The following RNF138 variants were observed in gnomAD, a reference collection of about 807,000 sequenced individuals.
RNF138 encodes the protein ring finger protein 138.
RNF138 carries 12 observed loss-of-function variants against 31.0 expected under a neutral mutation model. The observed-to-expected ratio is 0.39, with a 90% CI of 0.25 to 0.63. RNF138 has a LOEUF of 0.63. Among genes scored for constraint, RNF138 ranks in the 20% least tolerant of loss-of-function variants. The pLI, the probability that RNF138 is intolerant of heterozygous loss-of-function variation, is 0.52. For missense variants in RNF138, 192 were observed against 300.1 expected (o/e 0.64, Z 2.66); for synonymous variants, 105 against 99.5 (o/e 1.06, Z -0.33).
intron 2 of RNF138, among the ~76,000 whole-genome samples, chr18:32,100,569 G>A (rs940604948): frequency 7.8e-5 from 11 of 141,262 alleles, no homozygotes; most frequent in Non-Finnish European, 1.7e-4. Flanking sequence ...TCCGTCTCCC[G>A]GGTTTAAGCG....
chr18:32,130,261 G>C lies in RNF138; in HGVS notation c.*1074G>C, dbSNP rs1210595053. The C allele has an allele frequency of 6.6e-6, 1 of 152,200 alleles. No individual in the cohort carries two copies. Among genetic ancestry groups the C allele is most frequent in the African/African-American group, 2.4e-5 (1 of 41,378 alleles). The allele number at this position is 152,200 out of a possible 1,614,324, so 9.4% of individuals were successfully genotyped here. ...TAAAAAGTGATAGTCACAGTGCTAA[G>C]TTATCTAGTTGGCTACTATTACACC... On this transcript the variant is annotated 3_prime_UTR_variant, in exon 8 of 8. Transcript: ENST00000261593.
intron 7 of RNF138, among the ~76,000 whole-genome samples, chr18:32,128,036 C>T (rs1278473276): frequency 2.6e-5 from 4 of 152,122 alleles, no homozygotes; most frequent in East Asian, 3.9e-4. Context: ...GTGAAGATCA[C>T]GCCACTGCAC....
chr18:32,094,494 G>A (rs1048073221), intron 2 of RNF138, among the ~76,000 whole-genome samples: 1 of 152,074 alleles, frequency 6.6e-6, no homozygotes, highest in Non-Finnish European at 1.5e-5. Flanking sequence ...TTAGGGAAAT[G>A]TTTTGAGGGA....
At chr18:32,096,405 T>C (rs2039805969) in intron 2 of RNF138, among the ~76,000 whole-genome samples, 1 of 152,142 alleles carries the variant, frequency 6.6e-6, no homozygotes, top group Non-Finnish European at 1.5e-5. Flanking sequence ...GTGTAAGATT[T>C]GATGACTGGG....
At chr18:32,095,374 G>A (rs774700898) in intron 2 of RNF138, among the ~76,000 whole-genome samples, 10 of 151,984 alleles carry the variant, frequency 6.6e-5, no homozygotes, top group Non-Finnish European at 1.2e-4. Context: ...GCCTCACTAC[G>A]TTGCCCAGTC....
chr18:32,092,390 G>A (rs955287041), intron 1 of RNF138, among the ~76,000 whole-genome samples, 155 bp downstream of exon 1: 11 of 152,084 alleles, frequency 7.2e-5, no homozygotes, highest in Admixed American at 1.3e-4. Flanking sequence ...CGAAGACGGG[G>A]GCTGAGGGCG....
intron 2 of RNF138, among the ~76,000 whole-genome samples, chr18:32,104,013 C>CTTTTTT (rs745696010): frequency 6.9e-5 from 9 of 130,836 alleles, no homozygotes; most frequent in African/African-American, 2.0e-4. Context: ...GGCTAAAAAA[C>CTTTTTT]TTTTTTTTTT....
chr18:32,115,908 T>C (rs1396748197), intron 4 of RNF138, among the ~76,000 whole-genome samples: 1 of 152,194 alleles, frequency 6.6e-6, no homozygotes, highest in Non-Finnish European at 1.5e-5. Context: ...TCCCTCTCTT[T>C]GCCATTCTTG....
intron 4 of RNF138, among the ~76,000 whole-genome samples, chr18:32,121,058 C>T (rs2040295888): frequency 6.6e-6 from 1 of 151,942 alleles, no homozygotes; most frequent in Non-Finnish European, 1.5e-5. Context: ...TCACTTGAAC[C>T]CAGGAGGAGG....
In RNF138 at chr18:32,091,996, C is replaced by G. The variant is rs886107425; in HGVS notation, c.-317C>G. The G allele has an allele frequency of 1.3e-5, 2 of 152,644 alleles. No homozygotes were observed. The highest frequency in any genetic ancestry group is 4.8e-5 in the African/African-American group (2 of 41,488). 9.5% of individuals were successfully genotyped at this position (152,644 alleles called of 1,614,324 possible). ...TGACGGCCGGGTAGGCTGTAGGCAGCGCAATGCCAAGACAGAGCTGCTGGC... is the reference window on the plus strand; with the variant it reads ...TGACGGCCGGGTAGGCTGTAGGCAGGGCAATGCCAAGACAGAGCTGCTGGC... On this transcript the variant is annotated 5_prime_UTR_variant, in exon 1 of 8. Transcript: ENST00000261593.
chr18:32,117,058 C>A (rs1386314175), intron 4 of RNF138, among the ~76,000 whole-genome samples: 1 of 151,810 alleles, frequency 6.6e-6, no homozygotes, highest in East Asian at 1.9e-4. Context: ...CCCACCACCA[C>A]GCCCAACTAA....
intron 2 of RNF138, among the ~76,000 whole-genome samples, chr18:32,099,439 G>A (rs1226745746): frequency 1.3e-5 from 2 of 152,148 alleles, no homozygotes; most frequent in African/African-American, 2.4e-5. Context: ...ATCTCGCTCT[G>A]TTGCCCAGAC....
At chr18:32,099,843 A>G (rs914295587) in intron 2 of RNF138, among the ~76,000 whole-genome samples, 3 of 152,250 alleles carry the variant, frequency 2.0e-5, no homozygotes, top group Non-Finnish European at 4.4e-5. Flanking sequence ...ACTTAAGCCT[A>G]CTAATATATC....
Position 32,131,504 on chromosome 18 carries a change from A to G in RNF138, c.*2317A>G, listed in dbSNP as rs1296001637. 6.6e-6 allele frequency: 1 copy of G among 152,222 alleles called. No homozygotes were observed. Among genetic ancestry groups the G allele is most frequent in the Non-Finnish European group, 1.5e-5 (1 of 68,024 alleles). The allele number at this position is 152,222 out of a possible 1,614,324, so 9.4% of individuals were successfully genotyped here. ...AACAAATTACAGTTTTATTGTTAAA[A>G]CAGAGTCTTATTTGAGATGTATTGC... On this transcript the variant is annotated 3_prime_UTR_variant, in exon 8 of 8. Coordinates refer to ENST00000261593, the MANE Select transcript of RNF138 (RefSeq NM_016271.5).
Position 32,092,863 on chromosome 18 carries a change from G to A in RNF138, c.87G>A (p.Val29=), listed in dbSNP as rs974311846. 1 of 1,585,900 alleles carries A rather than the reference G, an allele frequency of 6.3e-7. No homozygotes were observed. Among genetic ancestry groups the A allele is most frequent in the Non-Finnish European group, 8.6e-7 (1 of 1,169,264 alleles). Residue 29 remains valine (V), a synonymous_variant, in exon 2 of 8, where the codon GTG becomes GTA. Coordinates refer to ENST00000261593, the MANE Select transcript of RNF138 (RefSeq NM_016271.5). ...GTCAGGAGGTGCTCAAAACGCCCGT[G>A]CGGACCACGGCCTGTCAGCACGTGT... ...PVCQEVLKTP[V]RTTACQHVFC...
chr18:32,118,754 G>C (rs566979327), intron 4 of RNF138, among the ~76,000 whole-genome samples: 1 of 151,892 alleles, frequency 6.6e-6, no homozygotes, highest in South Asian at 2.1e-4. Flanking sequence ...CCTTGAACCC[G>C]GGAGGCCAAG....
rs1026455513 is a variant in RNF138 at position 32,115,350 on chromosome 18, A to G, written c.392+1490A>G. Among the ~76,000 whole-genome samples, 6 of 152,160 alleles carry G rather than the reference A, an allele frequency of 3.9e-5. No individual in the cohort carries two copies. In the East Asian group the frequency reaches 9.6e-4, roughly 24 times the overall value. Reference sequence around the variant, plus strand: ...TGTCACTTCCCTAGCTCAGGCCCTCATCATCTCTCACTCGAACTATGATAA... The same window carrying G: ...TGTCACTTCCCTAGCTCAGGCCCTCGTCATCTCTCACTCGAACTATGATAA... On this transcript the variant is annotated intron_variant, in intron 4 of 7. Coordinates refer to ENST00000261593, the MANE Select transcript of RNF138 (RefSeq NM_016271.5).
At chr18:32,113,486 C>G (rs2040166860) in intron 3 of RNF138, among the ~76,000 whole-genome samples, 1 of 152,140 alleles carries the variant, frequency 6.6e-6, no homozygotes, top group South Asian at 2.1e-4. Flanking sequence ...CTGGTAGTGT[C>G]TTTTCAAGTG....
At position 32,131,246 on chromosome 18, in the gene RNF138, A is replaced by ACTT. The variant is rs974614509; in HGVS notation, c.*2060_*2062dup. 4 of 152,130 alleles carry ACTT rather than the reference A, an allele frequency of 2.6e-5. No individual in the cohort carries two copies. Among genetic ancestry groups the ACTT allele is most frequent in the African/African-American group, 7.2e-5 (3 of 41,454 alleles). 9.4% of individuals were successfully genotyped at this position (152,130 alleles called of 1,614,324 possible). A position where few individuals can be genotyped will look rare whatever the true frequency, so the allele number is the denominator to read the frequency against. On this transcript the variant is annotated 3_prime_UTR_variant, in exon 8 of 8. Transcript: ENST00000261593. ...ATATCAGCTTTTTCATAAGGAAAAT[A>ACTT]CTTTATTTGCTTTTATCTGAGAATT... is the stretch of plus-strand genomic sequence containing the variant.
Sources: allele counts gnomAD v4.1 joint callset (sites outside exome capture counted in the v4.1 genomes callset), GRCh38; gene constraint gnomAD v4.1.1; transcripts MANE v1.5; gene names NCBI Gene and HGNC (gene_info 2026-07-23, HGNC 2026-07-21).